ARHGAP12: variants seen among roughly 807,000 people sequenced by gnomAD.
The protein encoded by ARHGAP12 is rho GTPase-activating protein 12.
A neutral mutation model predicts 108.6 loss-of-function variants in ARHGAP12; 64 were observed. The observed-to-expected ratio is 0.59, with a 90% CI of 0.48 to 0.73. The LOEUF (loss-of-function observed/expected upper bound fraction) is 0.73, where lower values mean the gene tolerates loss of function less well. ARHGAP12 is among the 30% of genes least tolerant of loss of function. The probability of loss-of-function intolerance (pLI) is 0.00; values close to 1 mark genes in which losing one functional copy is unlikely to be tolerated. For missense variants in ARHGAP12, 940 were observed against 1,005.9 expected, an observed-to-expected ratio of 0.93 and a Z score of 0.89; for synonymous variants, 312 against 337.2, an observed-to-expected ratio of 0.93 and a Z score of 0.82.
At chr10:31,842,028 A>C (rs1356572322) in intron 7 of ARHGAP12, among the ~76,000 whole-genome samples, 1 of 152,154 alleles carries the variant, frequency 6.6e-6, no homozygotes, top group East Asian at 1.9e-4. Context: ...AATGAGATGA[A>C]AGCATGCAAG....
At chr10:31,874,327 GA>G (rs1406191455) in intron 3 of ARHGAP12, among the ~76,000 whole-genome samples, 2 of 151,946 alleles carry the variant, frequency 1.3e-5, no homozygotes, top group Non-Finnish European at 2.9e-5. Flanking sequence ...ACTACCTAAG[GA>G]AAAGGTAGTG....
chr10:31,918,314 A>ATC (rs1272084032), intron 1 of ARHGAP12, among the ~76,000 whole-genome samples: 9 of 96,938 alleles, frequency 9.3e-5, no homozygotes, highest in Middle Eastern at 4.7e-3. Flanking sequence ...CATTAGGGAA[A>ATC]TCACACACAC....
chr10:31,917,522 T>C (rs1328482933), intron 1 of ARHGAP12, among the ~76,000 whole-genome samples: 1 of 152,256 alleles, frequency 6.6e-6, no homozygotes, highest in Non-Finnish European at 1.5e-5. Flanking sequence ...CACTACTGGC[T>C]ACCCAGGTAT....
chr10:31,912,519 T>C (rs371272076), intron 1 of ARHGAP12, among the ~76,000 whole-genome samples: 52 of 152,216 alleles, frequency 3.4e-4, no homozygotes, highest in African/African-American at 1.3e-3. Flanking sequence ...AAGGAGGAGT[T>C]AGGGAGAAAG....
chr10:31,888,421 CTAATTT>C (rs1838267987), intron 3 of ARHGAP12, among the ~76,000 whole-genome samples: 1 of 152,182 alleles, frequency 6.6e-6, no homozygotes, highest in Non-Finnish European at 1.5e-5. Flanking sequence ...AATAGATACT[CTAATTT>C]TAAAAACTAA....
intron 15 of ARHGAP12, among the ~76,000 whole-genome samples, chr10:31,811,243 CAT>C (rs1835005029): frequency 6.6e-6 from 1 of 152,216 alleles, no homozygotes; most frequent in Non-Finnish European, 1.5e-5. Context: ...AACAGGTATT[CAT>C]AGCACCTAGG....
chr10:31,814,356 T>C lies in ARHGAP12; in HGVS notation c.1737A>G (p.Val579=), dbSNP rs1835126804. The change falls in exon 14 of 20, where the codon GTA becomes GTG. Residue 579 remains valine (V), a synonymous_variant. Transcript: ENST00000344936. The stretch of plus-strand genomic sequence containing the variant: ...CCTCTTCAATTCCTTCATCAGTTTC[T>C]ACTGCCTATTGGTTAGATATTTCCC... The part of the protein sequence containing the change: ...VLSSTINNQA[V]ETDEGIEEEI... 6.2e-7 allele frequency: 1 copy of C among 1,609,840 alleles called. No homozygotes were observed. Among genetic ancestry groups the C allele is most frequent in the Non-Finnish European group, 8.5e-7 (1 of 1,176,236 alleles).
chr10:31,811,862 T>C (rs1180196566), intron 15 of ARHGAP12, among the ~76,000 whole-genome samples: 2 of 152,016 alleles, frequency 1.3e-5, no homozygotes, highest in African/African-American at 2.4e-5. Context: ...GGTCTCTCTA[T>C]GTTACCCAAT....
At chr10:31,924,487 T>C (rs549010402) in intron 1 of ARHGAP12, among the ~76,000 whole-genome samples, 2 of 152,266 alleles carry the variant, frequency 1.3e-5, no homozygotes, top group Admixed American at 6.5e-5. Context: ...ACAAATCATA[T>C]AGTATGTAGC....
At chr10:31,817,959 A>G in intron 12 of ARHGAP12, 73 bp from the exon 13 acceptor site, 1 of 1,095,924 alleles carries the variant, frequency 9.1e-7, no homozygotes, top group Non-Finnish European at 1.4e-6. Flanking sequence ...AATACCTTTA[A>G]TTCAAAGTTA....
intron 1 of ARHGAP12, among the ~76,000 whole-genome samples, chr10:31,923,132 G>GAAAAAAAA (rs58930834): frequency 3.1e-4 from 26 of 83,192 alleles, no homozygotes; most frequent in African/African-American, 1.4e-3. Flanking sequence ...ACCCTAACAG[G>GAAAAAAAA]AAAAAAAAAA....
chr10:31,826,177 T>G, intron 11 of ARHGAP12, 127 bp downstream of exon 11: 1 of 634,416 alleles, frequency 1.6e-6, no homozygotes, highest in Non-Finnish European at 2.6e-6. Context: ...TTAAGAAGAT[T>G]TTATTCATTT....
At chr10:31,905,814 C>A (rs1460754699) in intron 3 of ARHGAP12, among the ~76,000 whole-genome samples, 1 of 144,594 alleles carries the variant, frequency 6.9e-6, no homozygotes, top group Non-Finnish European at 1.5e-5. Flanking sequence ...ACTGTTGATA[C>A]AGGTGTATTT....
At chr10:31,827,810 CA>C (rs930183686) in intron 10 of ARHGAP12, among the ~76,000 whole-genome samples, 7 of 142,724 alleles carry the variant, frequency 4.9e-5, no homozygotes, top group South Asian at 2.2e-4. Context: ...AAAACAAAAA[CA>C]AAAAAAAAAC....
intron 3 of ARHGAP12, among the ~76,000 whole-genome samples, chr10:31,888,612 A>G (rs1004344639): frequency 2.6e-5 from 4 of 152,208 alleles, no homozygotes; most frequent in Non-Finnish European, 5.9e-5. Flanking sequence ...CCAAATGAAT[A>G]ATCCCCTCCT....
At chr10:31,915,184 C>T (rs566225484) in intron 1 of ARHGAP12, among the ~76,000 whole-genome samples, 10 of 152,000 alleles carry the variant, frequency 6.6e-5, no homozygotes, top group Non-Finnish European at 1.5e-4. Context: ...GTCGGGGGTT[C>T]GAGACCAGCC....
intron 5 of ARHGAP12, among the ~76,000 whole-genome samples, chr10:31,853,055 C>A (rs2808092): frequency 0.19 from 28,616 of 152,098 alleles, 3,151 homozygotes; most frequent in East Asian, 0.39. Context: ...ACTAATTATA[C>A]TAAAAGCCTT....
intron 3 of ARHGAP12, among the ~76,000 whole-genome samples, chr10:31,886,971 C>T (rs902292604): frequency 2.6e-5 from 4 of 152,138 alleles, no homozygotes; most frequent in Middle Eastern, 3.2e-3. Flanking sequence ...CAGAGCAATC[C>T]GTAGCTATAC....
intron 6 of ARHGAP12, among the ~76,000 whole-genome samples, chr10:31,850,268 T>G (rs1219580434): frequency 6.6e-6 from 1 of 152,228 alleles, no homozygotes; most frequent in South Asian, 2.1e-4. Context: ...ATAACCTAAA[T>G]CGTTTTCAGT....
Sources: gnomAD v4.1 joint callset for allele counts (sites outside exome capture counted in the v4.1 genomes callset) on GRCh38, gnomAD v4.1.1 for gene constraint, MANE v1.5 for transcripts, NCBI Gene and HGNC (gene_info 2026-07-23, HGNC 2026-07-21) for gene names.